The following STXBP5L variants were observed in gnomAD, a reference collection of about 807,000 sequenced individuals.
STXBP5L encodes the protein syntaxin-binding protein 5-like.
Under a neutral mutation model 144.5 loss-of-function variants are expected in STXBP5L, and 65 were observed. The ratio of observed to expected loss-of-function variants is 0.45; its 90% CI spans 0.37 to 0.55. The LOEUF is 0.55. STXBP5L is among the 20% of genes least tolerant of loss of function. The pLI is 0.00. For missense variants in STXBP5L, 1,298 were observed against 1,405.5 expected (o/e 0.92, Z 1.22); for synonymous variants, 505 against 469.6 (o/e 1.08, Z -0.97).
intron 5 of STXBP5L, among the ~76,000 whole-genome samples, chr3:121,047,363 A>T (rs1404372891): frequency 6.6e-6 from 1 of 152,108 alleles, no homozygotes; most frequent in African/African-American, 2.4e-5. Context: ...GATGTCTAAT[A>T]GTTCCATTTG....
chr3:121,186,675 G>A (rs1469547148), intron 9 of STXBP5L, among the ~76,000 whole-genome samples: 3 of 152,298 alleles, frequency 2.0e-5, no homozygotes, highest in African/African-American at 7.2e-5. Context: ...GCTTTTTGAT[G>A]TGCTGCTGGA....
chr3:121,377,398 C>T (rs1364922617), intron 20 of STXBP5L, among the ~76,000 whole-genome samples: 5 of 152,112 alleles, frequency 3.3e-5, no homozygotes, highest in Admixed American at 6.6e-5. Context: ...AGTGAACAGG[C>T]AACATACAGA....
intron 22 of STXBP5L, among the ~76,000 whole-genome samples, chr3:121,405,697 G>GT (rs1209563106): frequency 6.6e-6 from 1 of 152,036 alleles, no homozygotes; most frequent in Non-Finnish European, 1.5e-5. Flanking sequence ...ATTTACTTGA[G>GT]TTTTTTCCAG....
Position 120,954,960 on chromosome 3 carries a change from T to A in STXBP5L, c.210T>A (p.Pro70=), listed in dbSNP as rs750435126. Residue 70 remains proline, a synonymous_variant, in exon 3 of 27, where the codon CCT becomes CCA. Coordinates refer to ENST00000471454, the MANE Select transcript of STXBP5L (RefSeq NM_001308330.2). Reference sequence around the variant, plus strand: ...TTCAGACAGTTCGGCATGGTTTTCCTCATCAGCCCACAGCATTAGCCTTTG... The same window carrying A: ...TTCAGACAGTTCGGCATGGTTTTCCACATCAGCCCACAGCATTAGCCTTTG... ...QICKTVRHGF[P]HQPTALAFDP... 2 of 1,612,368 alleles carry A rather than the reference T, an allele frequency of 1.2e-6. No individual in the cohort carries two copies. Among genetic ancestry groups the A allele is most frequent in the Non-Finnish European group, 1.7e-6 (2 of 1,178,974 alleles).
At chr3:121,186,543 T>G (rs896777473) in intron 9 of STXBP5L, among the ~76,000 whole-genome samples, 1 of 152,192 alleles carries the variant, frequency 6.6e-6, no homozygotes, top group Non-Finnish European at 1.5e-5. Context: ...CTGCATCTAT[T>G]GAGATAATCC....
chr3:121,072,434 G>A (rs1375563934), intron 5 of STXBP5L, among the ~76,000 whole-genome samples: 5 of 152,324 alleles, frequency 3.3e-5, no homozygotes, highest in African/African-American at 7.2e-5. Flanking sequence ...TAGAAATGTC[G>A]TCCTATAAGA....
At chr3:121,346,295 G>A (rs2044975721) in intron 20 of STXBP5L, among the ~76,000 whole-genome samples, 1 of 152,014 alleles carries the variant, frequency 6.6e-6, no homozygotes, top group African/African-American at 2.4e-5. Flanking sequence ...TCATTTTTAT[G>A]GTTGCATAGT....
chr3:120,994,774 C>T (rs77163407), intron 3 of STXBP5L, among the ~76,000 whole-genome samples: 2,935 of 151,942 alleles, frequency 0.019, 90 homozygotes, highest in African/African-American at 0.066. Flanking sequence ...TTTTTTTAAT[C>T]AGGGTATTTC....
At chr3:121,293,864 T>A (rs950284517) in intron 19 of STXBP5L, among the ~76,000 whole-genome samples, 2 of 152,062 alleles carry the variant, frequency 1.3e-5, no homozygotes, top group East Asian at 3.9e-4. Context: ...TCTGCCTCAA[T>A]AAGTAAATAA....
intron 20 of STXBP5L, among the ~76,000 whole-genome samples, chr3:121,351,016 T>C (rs1560008029): frequency 6.6e-6 from 1 of 152,116 alleles, no homozygotes; most frequent in Non-Finnish European, 1.5e-5. Context: ...CTACGTTCCT[T>C]TGGAGGAGGA....
At chr3:121,254,103 G>C (rs1259740919) in intron 15 of STXBP5L, among the ~76,000 whole-genome samples, 1 of 152,048 alleles carries the variant, frequency 6.6e-6, no homozygotes, top group East Asian at 1.9e-4. Flanking sequence ...TTATTTTATA[G>C]AATCTCCTTC....
intron 20 of STXBP5L, among the ~76,000 whole-genome samples, chr3:121,338,773 G>T (rs1469707265): frequency 1.3e-5 from 2 of 151,950 alleles, no homozygotes; most frequent in African/African-American, 4.8e-5. Context: ...GAACACCTCT[G>T]TGCACATAAA....
At chr3:120,965,877 A>G (rs568289088) in intron 3 of STXBP5L, among the ~76,000 whole-genome samples, 106 of 152,274 alleles carry the variant, frequency 7.0e-4, no homozygotes, top group African/African-American at 2.5e-3. Context: ...GTGTTTTCCA[A>G]CTTGGTGCCA....
chr3:120,981,390 ATTC>A (rs1485184878), intron 3 of STXBP5L, among the ~76,000 whole-genome samples: 1 of 151,956 alleles, frequency 6.6e-6, no homozygotes, highest in Non-Finnish European at 1.5e-5. Flanking sequence ...GCTCATTTTT[ATTC>A]TTTAATTTTT....
At chr3:121,127,505 ATC>A (rs2044763929) in intron 7 of STXBP5L, among the ~76,000 whole-genome samples, 1 of 151,360 alleles carries the variant, frequency 6.6e-6, no homozygotes, top group Non-Finnish European at 1.5e-5. Context: ...TATAACACCA[ATC>A]TCTGCCTTCA....
At chr3:121,384,730 T>C (rs2046390147) in intron 22 of STXBP5L, among the ~76,000 whole-genome samples, 1 of 152,052 alleles carries the variant, frequency 6.6e-6, no homozygotes. Context: ...GGGTTTTTTT[T>C]CAAGATCTAG....
intron 18 of STXBP5L, among the ~76,000 whole-genome samples, chr3:121,277,173 G>A (rs1002448797): frequency 6.6e-6 from 1 of 151,948 alleles, no homozygotes; most frequent in African/African-American, 2.4e-5. Context: ...TTGATGTCTG[G>A]TGAGAACCTG....
intron 9 of STXBP5L, 48 bp from the exon 10 acceptor site, chr3:121,205,875 G>C: frequency 1.0e-6 from 1 of 1,002,256 alleles, no homozygotes; most frequent in Non-Finnish European, 1.4e-6. Context: ...AATTCTTACA[G>C]ATGAATATAA....
At chr3:121,340,501 G>A (rs1288702522) in intron 20 of STXBP5L, among the ~76,000 whole-genome samples, 1 of 149,508 alleles carries the variant, frequency 6.7e-6, no homozygotes, top group East Asian at 2.0e-4. Flanking sequence ...CCCCCGACAG[G>A]CCCCGGTGTG....
Sources: gnomAD v4.1 joint callset for allele counts (sites outside exome capture counted in the v4.1 genomes callset) on GRCh38, gnomAD v4.1.1 for gene constraint, MANE v1.5 for transcripts, NCBI Gene and HGNC (gene_info 2026-07-23, HGNC 2026-07-21) for gene names.